The following C1GALT1 variants were observed in gnomAD, a reference collection of about 807,000 sequenced individuals.
C1GALT1 encodes core 1 synthase, glycoprotein-N-acetylgalactosamine 3-beta-galactosyltransferase 1, also known as glycoprotein-N-acetylgalactosamine 3-beta-galactosyltransferase 1.
In C1GALT1, 11 loss-of-function variants were observed where a neutral mutation model predicts 31.0. The ratio of observed to expected loss-of-function variants is 0.36; its 90% confidence interval spans 0.22 to 0.59. The LOEUF (loss-of-function observed/expected upper bound fraction) is 0.59. C1GALT1 is among the 20% of genes least tolerant of loss of function. C1GALT1 has a pLI of 0.79. For synonymous variants in C1GALT1, 175 were observed against 143.6 expected (o/e 1.22, Z -1.56); for missense variants, 424 against 425.2 (o/e 1.00, Z 0.03).
At chr7:7,189,476 A>G (rs1780962777) in intron 1 of C1GALT1, among the ~76,000 whole-genome samples, 1 of 151,202 alleles carries the variant, frequency 6.6e-6, no homozygotes, top group Non-Finnish European at 1.5e-5. Context: ...TAGGTTAAAA[A>G]TAATATCTCT....
chr7:7,176,803 C>T (rs954851318), intron 2 of C1GALT1, among the ~76,000 whole-genome samples: 2 of 152,122 alleles, frequency 1.3e-5, no homozygotes, highest in African/African-American at 4.8e-5. Flanking sequence ...GATGTAGCTA[C>T]AAGGAATAAA....
intron 1 of C1GALT1, among the ~76,000 whole-genome samples, chr7:7,197,331 T>G (rs1239853897): frequency 6.6e-6 from 1 of 152,210 alleles, no homozygotes; most frequent in African/African-American, 2.4e-5. Flanking sequence ...TTGTCGGGTT[T>G]GTCAAAGATC....
chr7:7,182,931 G>T (rs900563977), intron 1 of C1GALT1, 111 bp downstream of exon 1: 1 of 837,954 alleles, frequency 1.2e-6, no homozygotes. Context: ...CAAACCCCGG[G>T]CGCGGCGGAA....
chr7:7,232,671 G>C (rs1474565850), intron 1 of C1GALT1, among the ~76,000 whole-genome samples: 2 of 152,062 alleles, frequency 1.3e-5, no homozygotes, highest in Non-Finnish European at 2.9e-5. Context: ...TGTATTTTTA[G>C]TAGAGATGGG....
intron 1 of C1GALT1, among the ~76,000 whole-genome samples, chr7:7,203,653 G>GT (rs976735241): frequency 6.7e-4 from 99 of 147,952 alleles, no homozygotes; most frequent in Middle Eastern, 3.5e-3. Context: ...TTGGTTTGTA[G>GT]TTTTTTTTTT....
intron 3 of C1GALT1, among the ~76,000 whole-genome samples, chr7:7,242,306 C>G (rs1783668180): frequency 6.8e-6 from 1 of 147,546 alleles, no homozygotes; most frequent in Middle Eastern, 3.6e-3. Context: ...GTTGACTTAT[C>G]TGGTTATTTT....
chr7:7,164,796 G>T (rs894065537), intron 2 of C1GALT1, among the ~76,000 whole-genome samples: 1 of 152,144 alleles, frequency 6.6e-6, no homozygotes, highest in Non-Finnish European at 1.5e-5. Context: ...GCAGTTCCCT[G>T]AGAGGGCTGT....
intron 2 of C1GALT1, among the ~76,000 whole-genome samples, chr7:7,171,762 C>A (rs903124988): frequency 6.6e-6 from 1 of 151,600 alleles, no homozygotes; most frequent in Admixed American, 6.6e-5. Flanking sequence ...TAGATATTTT[C>A]TTTGTGGTTA....
chr7:7,225,947 C>G (rs1392155887), intron 1 of C1GALT1, among the ~76,000 whole-genome samples: 1 of 152,066 alleles, frequency 6.6e-6, no homozygotes, highest in Non-Finnish European at 1.5e-5. Context: ...TGTGGAAAAA[C>G]TAGTGAACTT....
At chr7:7,214,188 T>C (rs1782130643) in intron 1 of C1GALT1, among the ~76,000 whole-genome samples, 1 of 152,180 alleles carries the variant, frequency 6.6e-6, no homozygotes, top group African/African-American at 2.4e-5. Context: ...CAAAACAGAA[T>C]AGAGCCTTTG....
rs58553938 is a variant in C1GALT1 at position 7,203,666 on chromosome 7, C to G, written c.-18+20846C>G. On this transcript the variant is annotated intron_variant, in intron 1 of 3. Coordinates refer to ENST00000436587, the MANE Select transcript of C1GALT1 (RefSeq NM_020156.5). ...TATTGGTTTGTAGTTTTTTTTTTCT[C>G]TTTTTAGGTTGCTCTCATTTCTATT... Among the ~76,000 whole-genome samples, 494 of 149,772 alleles carry G rather than the reference C, an allele frequency of 3.3e-3. 3 individuals carry two copies. Among genetic ancestry groups the G allele is most frequent in the African/African-American group, 0.012 (470 of 40,850 alleles).
intron 1 of C1GALT1, among the ~76,000 whole-genome samples, chr7:7,225,974 G>A (rs1782741877): frequency 6.6e-6 from 1 of 152,144 alleles, no homozygotes; most frequent in Non-Finnish European, 1.5e-5. Context: ...AAATGGGGGT[G>A]AAAATTCCAA....
chr7:7,212,321 T>G (rs1250257674), intron 1 of C1GALT1, among the ~76,000 whole-genome samples: 4 of 152,186 alleles, frequency 2.6e-5, no homozygotes, highest in African/African-American at 9.6e-5. Context: ...TTTTATTGGC[T>G]CTGCGTGTCA....
upstream of C1GALT1, among the ~76,000 whole-genome samples, chr7:7,181,213 G>GCGGAAAGGTGGAAGGATA (rs1780577185): frequency 4.3e-5 from 6 of 138,240 alleles, no homozygotes; most frequent in African/African-American, 1.4e-4. Flanking sequence ...GTGGAAGGAT[G>GCGGAAAGGTGGAAGGATA]TTGCGGAAAG....
chr7:7,177,666 T>C (rs1780519406), upstream of C1GALT1, among the ~76,000 whole-genome samples: 2 of 152,226 alleles, frequency 1.3e-5, no homozygotes, highest in Non-Finnish European at 2.9e-5. Flanking sequence ...CTGCTTGCTA[T>C]GAATGATGCT....
At chr7:7,240,073 T>C (rs1783556326) in intron 3 of C1GALT1, among the ~76,000 whole-genome samples, 1 of 152,218 alleles carries the variant, frequency 6.6e-6, no homozygotes, top group Non-Finnish European at 1.5e-5. Flanking sequence ...TTCATGCTAC[T>C]ACTGTCATCT....
At position 7,232,497 on chromosome 7, in the gene C1GALT1, G is replaced by T. The variant is rs59120009; in HGVS notation, c.-17-1806G>T. On this transcript the variant is annotated intron_variant, in intron 1 of 3. Coordinates refer to ENST00000436587, the MANE Select transcript of C1GALT1 (RefSeq NM_020156.5). Reference sequence around the variant, plus strand: ...GAAAGGGCGTGGGTTTTTTTTTTTTGTTTTTTTTTTTTTGAGACAGAGTCT... The same window carrying T: ...GAAAGGGCGTGGGTTTTTTTTTTTTTTTTTTTTTTTTTTGAGACAGAGTCT... 9.5e-3 allele frequency among the ~76,000 whole-genome samples: 1,275 copies of T among 134,794 alleles called. 21 individuals carry two copies. The highest frequency in any genetic ancestry group is 0.031 in the African/African-American group (1,074 of 35,186). The allele number at this position is 134,794 out of a possible 152,430, so 88.4% of individuals were successfully genotyped here.
chr7:7,199,712 A>C (rs1781454844), intron 1 of C1GALT1, among the ~76,000 whole-genome samples: 1 of 152,146 alleles, frequency 6.6e-6, no homozygotes, highest in Admixed American at 6.5e-5. Flanking sequence ...TGCTTTGTGA[A>C]TCTGGGTGCT....
intron 2 of C1GALT1, among the ~76,000 whole-genome samples, chr7:7,170,616 C>G (rs1179339617): frequency 6.6e-6 from 1 of 152,138 alleles, no homozygotes; most frequent in Non-Finnish European, 1.5e-5. Context: ...AACCCCATCT[C>G]TACTAAAAAT....
Sources: gnomAD v4.1 joint callset for allele counts (sites outside exome capture counted in the v4.1 genomes callset) on GRCh38, gnomAD v4.1.1 for gene constraint, MANE v1.5 for transcripts, NCBI Gene and HGNC (gene_info 2026-07-23, HGNC 2026-07-21) for gene names.